Variants in MARCHF1 observed in about 807,000 individuals in gnomAD.
MARCHF1 encodes membrane associated ring-CH-type finger 1.
Under a neutral mutation model 54.2 loss-of-function variants are expected in MARCHF1, and 40 were observed. That is an observed-to-expected ratio of 0.74 (90% CI 0.57 to 0.96). The LOEUF is 0.96. Among genes scored for constraint, MARCHF1 ranks in the 40% least tolerant of loss-of-function variants. MARCHF1 has a pLI of 0.00. For synonymous variants in MARCHF1, 236 were observed against 236.3 expected (o/e 1.00, Z 0.01); for missense variants, 586 against 656.5 (o/e 0.89, Z 1.17).
At chr4:163,790,238 C>T (rs988063862) in intron 4 of MARCHF1, among the ~76,000 whole-genome samples, 3 of 151,990 alleles carry the variant, frequency 2.0e-5, no homozygotes, top group Non-Finnish European at 4.4e-5. Flanking sequence ...CTTTATTTTC[C>T]TCCTGCTGTA....
At chr4:163,901,717 T>G (rs1409141489) in intron 3 of MARCHF1, among the ~76,000 whole-genome samples, 1 of 152,194 alleles carries the variant, frequency 6.6e-6, no homozygotes, top group Non-Finnish European at 1.5e-5. Flanking sequence ...GCAATTGTTG[T>G]GTTCTATTGC....
intron 3 of MARCHF1, among the ~76,000 whole-genome samples, chr4:163,898,060 CAAAAAAAAAAA>C (rs70948673): frequency 2.4e-5 from 2 of 81,880 alleles, no homozygotes; most frequent in South Asian, 1.1e-3. Context: ...GACTCCGTCT[CAAAAAAAAAAA>C]AAAAAAAAAA....
chr4:163,564,550 G>A (rs1301861963), intron 8 of MARCHF1, among the ~76,000 whole-genome samples: 1 of 152,126 alleles, frequency 6.6e-6, no homozygotes, highest in Non-Finnish European at 1.5e-5. Flanking sequence ...TACCTTTTAT[G>A]TAATCAGTTT....
At chr4:163,601,720 G>C (rs780516032) in intron 7 of MARCHF1, among the ~76,000 whole-genome samples, 3 of 151,866 alleles carry the variant, frequency 2.0e-5, no homozygotes, top group Non-Finnish European at 4.4e-5. Context: ...TCTGAGATTA[G>C]AAAATTCCTG....
At chr4:163,589,900 G>C (rs982772857) in intron 7 of MARCHF1, among the ~76,000 whole-genome samples, 1 of 151,944 alleles carries the variant, frequency 6.6e-6, no homozygotes, top group African/African-American at 2.4e-5. Context: ...GATTTTACTG[G>C]CATTTTAGTA....
chr4:163,631,974 A>C (rs940418368), intron 5 of MARCHF1, among the ~76,000 whole-genome samples: 1 of 152,224 alleles, frequency 6.6e-6, no homozygotes, highest in African/African-American at 2.4e-5. Context: ...ACGGCCAAAA[A>C]ACACATGAAA....
intron 2 of MARCHF1, among the ~76,000 whole-genome samples, chr4:164,007,112 C>T (rs1242742170): frequency 1.4e-5 from 2 of 145,690 alleles, no homozygotes; most frequent in African/African-American, 5.1e-5. Context: ...TTTGGGAGGC[C>T]GAGGCAGGCG....
At chr4:163,737,105 C>T (rs932223121) in intron 4 of MARCHF1, among the ~76,000 whole-genome samples, 9 of 150,430 alleles carry the variant, frequency 6.0e-5, no homozygotes, top group East Asian at 2.0e-4. Flanking sequence ...AATTAGGTAA[C>T]GCCTGTGGCT....
chr4:164,234,055 T>C (rs1732483517), intron 1 of MARCHF1, among the ~76,000 whole-genome samples: 1 of 152,184 alleles, frequency 6.6e-6, no homozygotes, highest in Non-Finnish European at 1.5e-5. Context: ...TACTTCTGAA[T>C]TGTCTCTATC....
At chr4:163,622,166 A>G (rs2110962375) in intron 5 of MARCHF1, among the ~76,000 whole-genome samples, 1 of 152,152 alleles carries the variant, frequency 6.6e-6, no homozygotes, top group South Asian at 2.1e-4. Flanking sequence ...TTTATAACAG[A>G]AAGCCACAGA....
intron 4 of MARCHF1, among the ~76,000 whole-genome samples, chr4:163,774,502 C>T (rs373677135): frequency 2.2e-5 from 3 of 137,866 alleles, no homozygotes; most frequent in East Asian, 2.1e-4. Context: ...AAGTGTTAGG[C>T]TTTTTTTTTT....
intron 8 of MARCHF1, among the ~76,000 whole-genome samples, chr4:163,547,331 C>T (rs1738944926): frequency 6.6e-6 from 1 of 152,198 alleles, no homozygotes; most frequent in South Asian, 2.1e-4. Flanking sequence ...GCATTGTGCC[C>T]ATCTTAAAGC....
At chr4:163,708,518 T>C (rs968980073) in intron 4 of MARCHF1, among the ~76,000 whole-genome samples, 4 of 152,144 alleles carry the variant, frequency 2.6e-5, no homozygotes, top group African/African-American at 9.7e-5. Context: ...CTTGAAAATA[T>C]CATGCAGTCA....
At chr4:164,290,718 A>G (rs4407452) in intron 1 of MARCHF1, among the ~76,000 whole-genome samples, 31,367 of 151,882 alleles carry the variant, frequency 0.21, 3,833 homozygotes, top group Admixed American at 0.38. Context: ...AATAGTAAAA[A>G]TCATTTGAAA....
chr4:164,336,686 T>C (rs1579731149), intron 1 of MARCHF1, among the ~76,000 whole-genome samples: 3 of 152,180 alleles, frequency 2.0e-5, no homozygotes, highest in African/African-American at 7.2e-5. Flanking sequence ...CCCTATTTTG[T>C]AGGTGTGGCA....
At chr4:164,355,415 A>G (rs1730493049) in intron 1 of MARCHF1, among the ~76,000 whole-genome samples, 1 of 125,224 alleles carries the variant, frequency 8.0e-6, no homozygotes, top group Admixed American at 8.6e-5. Flanking sequence ...ACCAAAACAG[A>G]GATATAGATC....
chr4:164,212,770 C>T (rs1387773271), intron 1 of MARCHF1, among the ~76,000 whole-genome samples: 1 of 152,094 alleles, frequency 6.6e-6, no homozygotes, highest in Non-Finnish European at 1.5e-5. Context: ...GCTAAGAATT[C>T]TCCCATTTAA....
At chr4:163,999,839 A>G (rs1753152019) in intron 2 of MARCHF1, among the ~76,000 whole-genome samples, 1 of 151,700 alleles carries the variant, frequency 6.6e-6, no homozygotes, top group Non-Finnish European at 1.5e-5. Flanking sequence ...TCTCCATTTA[A>G]CAGAGAAGGA....
intron 5 of MARCHF1, among the ~76,000 whole-genome samples, chr4:163,666,484 T>C (rs1025607076): frequency 6.6e-6 from 1 of 152,162 alleles, no homozygotes; most frequent in African/African-American, 2.4e-5. Flanking sequence ...CATGCACTTA[T>C]TATCCAGAAT....
Sources: gnomAD v4.1 joint callset for allele counts (sites outside exome capture counted in the v4.1 genomes callset) on GRCh38, gnomAD v4.1.1 for gene constraint, MANE v1.5 for transcripts, NCBI Gene and HGNC (gene_info 2026-07-23, HGNC 2026-07-21) for gene names.